Variants in CTNNA2 observed in about 807,000 individuals in gnomAD.
CTNNA2 encodes catenin alpha-2.
A neutral mutation model predicts 101.0 loss-of-function variants in CTNNA2; 42 were observed. The observed-to-expected ratio is 0.42, with a 90% CI of 0.32 to 0.54. The LOEUF is 0.54. Ranked by LOEUF, CTNNA2 falls within the 20% of genes least tolerant of loss-of-function variation. The probability of loss-of-function intolerance (pLI) is 0.14; values close to 1 mark genes in which losing one functional copy is unlikely to be tolerated. For synonymous variants in CTNNA2, 450 were observed against 456.4 expected, an observed-to-expected ratio of 0.99 and a Z score of 0.18; for missense variants, 871 against 1,223.1, an observed-to-expected ratio of 0.71 and a Z score of 4.29.
intron 7 of CTNNA2, among the ~76,000 whole-genome samples, chr2:79,996,744 G>T (rs1446184904): frequency 6.6e-6 from 1 of 152,174 alleles, no homozygotes; most frequent in Non-Finnish European, 1.5e-5. Flanking sequence ...CTACAATGCA[G>T]TGTGGATCAG....
At chr2:80,122,774 T>A (rs1207391038) in intron 7 of CTNNA2, among the ~76,000 whole-genome samples, 13 of 152,116 alleles carry the variant, frequency 8.5e-5, no homozygotes, top group Non-Finnish European at 4.4e-5. Flanking sequence ...TGTGTGTGAA[T>A]AGATAATACA....
intron 2 of CTNNA2, among the ~76,000 whole-genome samples, chr2:79,668,856 G>T (rs1467496966): frequency 6.6e-6 from 1 of 152,180 alleles, no homozygotes; most frequent in Non-Finnish European, 1.5e-5. Flanking sequence ...TATATTGTGT[G>T]ATCATTTAAA....
chr2:79,967,760 C>T (rs968361407), intron 7 of CTNNA2, among the ~76,000 whole-genome samples: 1 of 152,190 alleles, frequency 6.6e-6, no homozygotes, highest in African/African-American at 2.4e-5. Flanking sequence ...CAAACAAATA[C>T]AGGTACACAC....
intron 3 of CTNNA2, among the ~76,000 whole-genome samples, chr2:79,787,158 C>A (rs1336494007): frequency 3.9e-5 from 6 of 152,174 alleles, no homozygotes; most frequent in African/African-American, 9.7e-5. Context: ...AAAATAATCA[C>A]CGCCTTTCTT....
chr2:80,363,016 A>T (rs1674567333), intron 7 of CTNNA2, among the ~76,000 whole-genome samples: 1 of 151,984 alleles, frequency 6.6e-6, no homozygotes, highest in African/African-American at 2.4e-5. Flanking sequence ...AAAAAAAAAA[A>T]AAAAAAGTCA....
At chr2:79,213,473 G>A (rs552163003) in intron 2 of CTNNA2, among the ~76,000 whole-genome samples, 27 of 152,250 alleles carry the variant, frequency 1.8e-4, no homozygotes, top group East Asian at 1.2e-3. Context: ...CAACTAGTTC[G>A]GCTTGCTGAG....
chr2:79,926,794 A>T (rs2104402439), intron 7 of CTNNA2, among the ~76,000 whole-genome samples: 1 of 152,050 alleles, frequency 6.6e-6, no homozygotes, highest in East Asian at 1.9e-4. Flanking sequence ...TAGATACAAC[A>T]GTATTAAATA....
intron 2 of CTNNA2, among the ~76,000 whole-genome samples, chr2:79,715,649 A>G (rs1686044917): frequency 6.6e-6 from 1 of 152,174 alleles, no homozygotes; most frequent in Non-Finnish European, 1.5e-5. Flanking sequence ...TCTCCCACAA[A>G]ACCTGAGAAA....
chr2:80,258,784 AC>A (rs1289708401), intron 7 of CTNNA2, among the ~76,000 whole-genome samples: 2 of 152,030 alleles, frequency 1.3e-5, no homozygotes, highest in African/African-American at 4.8e-5. Context: ...TGCTGATTGA[AC>A]CTGGATTCCT....
intron 7 of CTNNA2, among the ~76,000 whole-genome samples, chr2:80,219,044 A>G (rs1412261184): frequency 1.3e-5 from 2 of 152,176 alleles, no homozygotes; most frequent in Admixed American, 1.3e-4. Flanking sequence ...TATCGTGGCA[A>G]TTATTAGTGG....
Position 79,998,502 on chromosome 2 carries a change from G to A in CTNNA2, c.1056+88705G>A, listed in dbSNP as rs906449787. ...AATGGAAGGGTAGCTATTTCAAGCC[G>A]GCTACCTTTTAGAAACACACATAAA... On this transcript the variant is annotated intron_variant, in intron 7 of 18. Transcript: ENST00000402739. Among the ~76,000 whole-genome samples, 29 of 152,078 alleles carry A rather than the reference G, an allele frequency of 1.9e-4. 1 individual carries two copies. Among genetic ancestry groups the A allele is most frequent in the Admixed American group, 6.6e-4 (10 of 15,246 alleles).
chr2:80,527,366 C>G (rs1358765245), intron 9 of CTNNA2, among the ~76,000 whole-genome samples: 2 of 152,146 alleles, frequency 1.3e-5, no homozygotes, highest in Non-Finnish European at 2.9e-5. Flanking sequence ...TTGGAGCCAC[C>G]AGAAGGGCTA....
At chr2:79,552,164 G>A (rs1674145575) in intron 1 of CTNNA2, among the ~76,000 whole-genome samples, 1 of 152,114 alleles carries the variant, frequency 6.6e-6, no homozygotes. Flanking sequence ...ATACAATGTG[G>A]GTACAGGCAT....
chr2:79,635,247 C>T (rs1018038529), intron 1 of CTNNA2, among the ~76,000 whole-genome samples: 4 of 152,020 alleles, frequency 2.6e-5, no homozygotes, highest in South Asian at 2.1e-4. Context: ...CCGGCTAACA[C>T]GGTGAAACCC....
chr2:80,123,469 AG>A, intron 7 of CTNNA2, among the ~76,000 whole-genome samples: 1 of 151,890 alleles, frequency 6.6e-6, no homozygotes, highest in East Asian at 1.9e-4. Flanking sequence ...AAAATACTCC[AG>A]GCCTGATGTG....
chr2:80,584,818 T>G (rs1223717875), intron 14 of CTNNA2, among the ~76,000 whole-genome samples: 1 of 152,156 alleles, frequency 6.6e-6, no homozygotes. Context: ...GTAATGGTGA[T>G]GATGCTTGTG....
intron 2 of CTNNA2, among the ~76,000 whole-genome samples, chr2:79,208,989 G>T (rs1674135228): frequency 6.6e-6 from 1 of 152,054 alleles, no homozygotes. Flanking sequence ...ATGGCTGCAT[G>T]ATAATAAATG....
intron 4 of CTNNA2, among the ~76,000 whole-genome samples, chr2:79,492,520 T>C (rs1671215367): frequency 6.6e-6 from 1 of 152,090 alleles, no homozygotes; most frequent in African/African-American, 2.4e-5. Context: ...ATGTACAAGC[T>C]GACTGCAATA....
chr2:79,638,020 C>T (rs946724914), intron 1 of CTNNA2, among the ~76,000 whole-genome samples: 3 of 152,176 alleles, frequency 2.0e-5, no homozygotes, highest in African/African-American at 7.2e-5. Context: ...CTGTCTGATA[C>T]ACATGTTGTT....
Sources: gnomAD v4.1 joint callset for allele counts (sites outside exome capture counted in the v4.1 genomes callset) on GRCh38, gnomAD v4.1.1 for gene constraint, MANE v1.5 for transcripts, NCBI Gene and HGNC (gene_info 2026-07-23, HGNC 2026-07-21) for gene names.